BPIFB3: variants seen among roughly 807,000 people sequenced by gnomAD.
The protein encoded by BPIFB3 is BPI fold containing family B member 3, also known as BPI fold-containing family B member 3.
Under a neutral mutation model 53.1 loss-of-function variants are expected in BPIFB3, and 49 were observed. The observed-to-expected ratio is 0.92, with a 90% CI of 0.73 to 1.17. The LOEUF (loss-of-function observed/expected upper bound fraction) is 1.17, where lower values mean the gene tolerates loss of function less well. BPIFB3 is among the 50% of genes most tolerant of loss of function. The pLI, the probability that BPIFB3 is intolerant of heterozygous loss-of-function variation, is 0.00. For missense variants in BPIFB3, 628 were observed against 592.5 expected (o/e 1.06, Z -0.62); for synonymous variants, 271 against 269.6 (o/e 1.01, Z -0.05).
chr20:33,061,852 C>T lies in BPIFB3; in HGVS notation c.591+21C>T, dbSNP rs374271670. On this transcript the variant is annotated intron_variant, in intron 5 of 14. Coordinates refer to ENST00000375494, the Ensembl canonical transcript of BPIFB3. ...GACTGGTGAGTGTGCGGGCCGTGTG[C>T]CAGCATGCCCTCTCCCAGGACTGGG... 4.0e-5 allele frequency: 65 copies of T among 1,613,180 alleles called. 1 individual carries two copies. Among genetic ancestry groups the T allele is most frequent in the Non-Finnish European group, 5.3e-5 (62 of 1,179,264 alleles).
At chr20:33,054,692 C>T (rs891830125), upstream of BPIFB3, among the ~76,000 whole-genome samples, 22 of 151,998 alleles carry the variant, frequency 1.4e-4, no homozygotes, top group Admixed American at 3.9e-4. Flanking sequence ...CCCAGGGCAG[C>T]GGGGAGCCAC....
Position 33,068,801 on chromosome 20 carries a change from A to AGGCCCTGGGGAAGCT in BPIFB3, c.979_993dup. 6.2e-7 allele frequency: 1 copy of AGGCCCTGGGGAAGCT among 1,612,992 alleles called. No individual in the cohort carries two copies. On this transcript the variant is annotated splice_acceptor_variant, in intron 9 of 14. Coordinates refer to ENST00000375494, the Ensembl canonical transcript of BPIFB3. LOFTEE classifies it high-confidence loss of function. ...CTAAGTTATGCCCCTGCATTTCTCC[A>AGGCCCTGGGGAAGCT]GGCCCTGGGGAAGCTGCCCCTGCAC...
At chr20:33,057,175 T>G (rs1980244897) in intron 2 of BPIFB3, among the ~76,000 whole-genome samples, 1 of 151,964 alleles carries the variant, frequency 6.6e-6, no homozygotes, top group Non-Finnish European at 1.5e-5. Context: ...ACACAGTGTA[T>G]GCTCAAAAAG....
At chr20:33,063,273 G>C (rs1980527206) in intron 5 of BPIFB3, among the ~76,000 whole-genome samples, 1 of 152,176 alleles carries the variant, frequency 6.6e-6, no homozygotes, top group African/African-American at 2.4e-5. Context: ...ACTTTATGGG[G>C]AACCAAAGCC....
At chr20:33,069,122 G>A (rs1176467117) in intron 10 of BPIFB3, 149 bp downstream of exon 11, 6 of 873,140 alleles carry the variant, frequency 6.9e-6, no homozygotes, top group Non-Finnish European at 1.0e-5. Flanking sequence ...CACAACCACT[G>A]TCATCATCTG....
intron 12 of BPIFB3, 117 bp from the exon 14 acceptor site, chr20:33,071,987 T>C: frequency 1.9e-6 from 2 of 1,039,556 alleles, no homozygotes; most frequent in Non-Finnish European, 3.0e-6. Flanking sequence ...GTCCTCAGGC[T>C]TGGGGGAGGC....
intron 2 of BPIFB3, 35 bp from the exon 4 acceptor site, chr20:33,059,343 G>A (rs1980344054): frequency 1.3e-6 from 2 of 1,534,774 alleles, no homozygotes; most frequent in Non-Finnish European, 8.9e-7. Context: ...GGGATGTCTG[G>A]GAGTGAGCAA....
At chr20:33,055,522 G>T (rs1179630877) in exon 1 of BPIFB3, 1 of 1,613,678 alleles carries the variant, frequency 6.2e-7, no homozygotes. Context: ...CGCTCGCTCG[G>T]ATTGACAAGG....
At chr20:33,070,301 C>T (rs1163431300) in intron 11 of BPIFB3, among the ~76,000 whole-genome samples, 1 of 152,162 alleles carries the variant, frequency 6.6e-6, no homozygotes, top group Non-Finnish European at 1.5e-5. Context: ...CCTTGAGTGT[C>T]AGGAAATGTG....
intron 5 of BPIFB3, 114 bp from the exon 7 acceptor site, chr20:33,063,501 C>T: frequency 8.6e-7 from 1 of 1,162,546 alleles, no homozygotes; most frequent in East Asian, 2.4e-5. Context: ...TGCCTTCCGC[C>T]TTGCCTTGGT....
At chr20:33,061,931 G>A in intron 5 of BPIFB3, 100 bp downstream of exon 6, 1 of 1,395,814 alleles carries the variant, frequency 7.2e-7, no homozygotes, top group African/African-American at 1.4e-5. Flanking sequence ...GGATTAGGCT[G>A]TACTTCCCTT....
chr20:33,054,523 A>G (rs941267769), upstream of BPIFB3, among the ~76,000 whole-genome samples: 1 of 152,210 alleles, frequency 6.6e-6, no homozygotes, highest in Non-Finnish European at 1.5e-5. Flanking sequence ...CTCAATGATA[A>G]GGAGTCAGCC....
intron 1 of BPIFB3, among the ~76,000 whole-genome samples, 174 bp from the exon 3 acceptor site, chr20:33,056,368 G>A (rs973930520): frequency 2.0e-5 from 3 of 152,250 alleles, no homozygotes; most frequent in Admixed American, 1.3e-4. Context: ...AGGCCCTGCG[G>A]TGGGAGTAAG....
At chr20:33,059,624 C>G (rs1980360943) in intron 3 of BPIFB3, 142 bp downstream of exon 4, 1 of 731,362 alleles carries the variant, frequency 1.4e-6, no homozygotes, top group South Asian at 1.7e-5. Flanking sequence ...CCAAGGGACT[C>G]CCAATCCTAC....
intron 1 of BPIFB3, among the ~76,000 whole-genome samples, chr20:33,056,110 G>T (rs150953368): frequency 6.6e-6 from 1 of 152,308 alleles, no homozygotes; most frequent in Non-Finnish European, 1.5e-5. Context: ...ACTTGATTGA[G>T]CCCTGGTGGC....
At chr20:33,064,387 T>C (rs776766513) in intron 6 of BPIFB3, 70 bp from the exon 8 acceptor site, 244 of 1,285,418 alleles carry the variant, frequency 1.9e-4, no homozygotes, top group Non-Finnish European at 2.6e-4. Context: ...ACTCAATAAA[T>C]GGAAATAGGG....
At chr20:33,070,045 A>G (rs2146391835) in intron 11 of BPIFB3, 90 bp downstream of exon 12, 3 of 1,434,766 alleles carry the variant, frequency 2.1e-6, no homozygotes, top group Non-Finnish European at 2.9e-6. Flanking sequence ...TTTCTTGAGC[A>G]TCAGCGCAAT....
At chr20:33,057,414 C>A (rs1940369395) in intron 2 of BPIFB3, among the ~76,000 whole-genome samples, 1 of 115,628 alleles carries the variant, frequency 8.6e-6, no homozygotes, top group Non-Finnish European at 1.8e-5. Flanking sequence ...GTCTTGAACT[C>A]CTGATCTCAG....
At chr20:33,072,144 C>T (rs770524591) in exon 13 of BPIFB3, 84 of 1,614,214 alleles carry the variant, frequency 5.2e-5, no homozygotes, top group Non-Finnish European at 7.1e-5. Context: ...GTGGTCGGGG[C>T]AGTGTATGCA....
Sources: gnomAD v4.1 joint callset for allele counts (sites outside exome capture counted in the v4.1 genomes callset) on GRCh38, gnomAD v4.1.1 for gene constraint, MANE v1.5 for transcripts, NCBI Gene and HGNC (gene_info 2026-07-23, HGNC 2026-07-21) for gene names.